Variants in NAGLU observed in about 807,000 individuals in gnomAD.
NAGLU encodes N-acetyl-alpha-glucosaminidase.
In NAGLU, 34 loss-of-function variants were observed where a neutral mutation model predicts 43.4. That is an observed-to-expected ratio of 0.78 (90% confidence interval 0.60 to 1.04). NAGLU has a LOEUF of 1.04. NAGLU is among the 50% of genes least tolerant of loss of function. The pLI is 0.00. For missense variants in NAGLU, 910 were observed against 993.7 expected, an observed-to-expected ratio of 0.92 and a Z score of 1.13; for synonymous variants, 425 against 437.6, an observed-to-expected ratio of 0.97 and a Z score of 0.36.
intron 5 of NAGLU, among the ~76,000 whole-genome samples, chr17:42,542,595 G>T (rs777314437): frequency 4.6e-5 from 7 of 152,236 alleles, no homozygotes; most frequent in Non-Finnish European, 1.0e-4. Flanking sequence ...ATGGGTTCAA[G>T]TGATTCTTGT....
intron 4 of NAGLU, among the ~76,000 whole-genome samples, chr17:42,539,986 C>T (rs554209622): frequency 6.6e-6 from 1 of 151,824 alleles, no homozygotes; most frequent in Non-Finnish European, 1.5e-5. Flanking sequence ...TGGTGGCGGG[C>T]TCCTGTAATC....
At chr17:42,539,152 G>C (rs969163584) in intron 4 of NAGLU, among the ~76,000 whole-genome samples, 2 of 152,194 alleles carry the variant, frequency 1.3e-5, no homozygotes, top group South Asian at 4.1e-4. Flanking sequence ...ACGTAGGCCT[G>C]GGTTTGATTT....
intron 2 of NAGLU, among the ~76,000 whole-genome samples, 167 bp from the exon 3 acceptor site, chr17:42,538,172 C>T (rs1279353057): frequency 6.6e-6 from 1 of 152,258 alleles, no homozygotes; most frequent in East Asian, 1.9e-4. Flanking sequence ...CTCACCTACT[C>T]ACAGGTCTCT....
rs2143086786 is a variant in NAGLU at position 42,538,425 on chromosome 17, C to T, written c.618C>T (p.Asn206=). 1.2e-6 allele frequency: 2 copies of T among 1,614,180 alleles called. No individual in the cohort carries two copies. Among genetic ancestry groups the T allele is most frequent in the Non-Finnish European group, 1.7e-6 (2 of 1,180,038 alleles). The stretch of plus-strand genomic sequence containing the variant: ...TCCTGGCCTGGGGGCGAATGGGCAA[C>T]CTGCACACCTGGGATGGCCCCCTGC... ...PAFLAWGRMG[N]LHTWDGPLPP... is the part of the protein sequence containing the mutation. Residue 206 remains asparagine (N), a synonymous_variant, in exon 3 of 6, where the codon AAC becomes AAT. Transcript: ENST00000225927.
chr17:42,544,211 C>T lies in NAGLU; in HGVS notation c.2205C>T (p.Tyr735=), dbSNP rs1310530729. 6.2e-7 allele frequency: 1 copy of T among 1,612,076 alleles called. No homozygotes were observed. Among genetic ancestry groups the T allele is most frequent in the Non-Finnish European group, 8.5e-7 (1 of 1,180,026 alleles). The part of the protein sequence containing the change: ...DLAKKIFLKY[Y]PRWVAGSW ...CCAAGAAGATCTTCCTCAAATATTA[C>T]CCCCGCTGGGTGGCCGGCTCTTGGT... Residue 735 remains tyrosine (Y), a synonymous_variant, in exon 6 of 6, where the codon TAC becomes TAT. Transcript: ENST00000225927.
At position 42,544,060 on chromosome 17, in the gene NAGLU, G is replaced by C; in HGVS notation, c.2054G>C (p.Ser685Thr). 1.2e-6 allele frequency: 2 copies of C among 1,613,778 alleles called. No homozygotes were observed. ...CTTTTCCTGGAGGCGCTGGTTGACA[G>C]TGTGGCCCAGGGCATCCCTTTCCAA... ...WRLFLEALVDSVAQGIPFQQH... is the reference protein window; with the variant it reads ...WRLFLEALVDTVAQGIPFQQH... The change falls in exon 6 of 6, where the codon AGT (serine) becomes ACT (threonine). Residue 685 changes from serine (S) to threonine (T), a missense_variant. Physicochemically the swap from Ser to Thr is moderately conservative, Grantham distance 58. Coordinates refer to ENST00000225927, the MANE Select transcript of NAGLU (RefSeq NM_000263.4).
intron 2 of NAGLU, 124 bp from the exon 3 acceptor site, chr17:42,538,214 CG>C: frequency 6.9e-7 from 1 of 1,441,152 alleles, no homozygotes; most frequent in Non-Finnish European, 9.8e-7. Context: ...TTGATGGCAG[CG>C]TTCGGATTTT....
intron 3 of NAGLU, 40 bp from the exon 4 acceptor site, chr17:42,538,630 G>A: frequency 2.5e-6 from 4 of 1,613,086 alleles, no homozygotes; most frequent in Non-Finnish European, 3.4e-6. Context: ...TCATAGGACA[G>A]CAGTGGCCAT....
intron 4 of NAGLU, 38 bp from the exon 5 acceptor site, chr17:42,540,912 G>C: frequency 6.2e-7 from 1 of 1,614,036 alleles, no homozygotes. Context: ...ACACTATGGC[G>C]GCTTCCATGA....
At position 42,543,771 on chromosome 17, in the gene NAGLU, G is replaced by C; in HGVS notation, c.1765G>C (p.Ala589Pro). ...AAGCGCCTACCTGAGCAAGGAGCTGGCCTCCCTGTTGAGGGCTGGAGGCGT... is the reference window on the plus strand; with the variant it reads ...AAGCGCCTACCTGAGCAAGGAGCTGCCCTCCCTGTTGAGGGCTGGAGGCGT... ...ARSAYLSKELASLLRAGGVLA... is the reference protein window; with the variant it reads ...ARSAYLSKELPSLLRAGGVLA... Residue 589 changes from alanine to proline, a missense_variant, in exon 6 of 6, where the codon GCC becomes CCC. Ala to Pro is a conservative substitution (Grantham distance 27). Coordinates refer to ENST00000225927, the MANE Select transcript of NAGLU (RefSeq NM_000263.4). 1 of 1,610,670 alleles carries C rather than the reference G, an allele frequency of 6.2e-7. No homozygotes were observed. The highest frequency in any genetic ancestry group is 8.5e-7 in the Non-Finnish European group (1 of 1,179,482).
chr17:42,538,767 C>G lies in NAGLU; in HGVS notation c.764+12C>G, dbSNP rs1002650158. On this transcript the variant is annotated intron_variant, in intron 4 of 5. Coordinates refer to ENST00000225927, the MANE Select transcript of NAGLU (RefSeq NM_000263.4). ...GAGGCTGTCACCAGGTGAGGTTCCGCTCACCCCCTCCACTTAGCTCAGAGA... is the reference window on the plus strand; with the variant it reads ...GAGGCTGTCACCAGGTGAGGTTCCGGTCACCCCCTCCACTTAGCTCAGAGA... 3.7e-6 allele frequency: 6 copies of G among 1,613,538 alleles called. No homozygotes were observed. The highest frequency in any genetic ancestry group is 5.1e-6 in the Non-Finnish European group (6 of 1,179,968).
rs1194087635 is a variant in NAGLU, at chr17:42,544,354, T to A, written c.*116T>A. On this transcript the variant is annotated 3_prime_UTR_variant, in exon 6 of 6. Coordinates refer to ENST00000225927, the MANE Select transcript of NAGLU (RefSeq NM_000263.4). ...CCTGGGAGGAGGCCCCACGGCCTGC[T>A]GGTGGGGTCTGACCTGGGGGGATTG... 6.8e-7 allele frequency: 1 copy of A among 1,478,226 alleles called. No individual in the cohort carries two copies. Among genetic ancestry groups the A allele is most frequent in the South Asian group, 1.2e-5 (1 of 85,592 alleles). 91.6% of individuals were successfully genotyped at this position (1,478,226 alleles called of 1,614,324 possible).
In NAGLU at chr17:42,538,850, A is replaced by C. The variant is rs2092914519; in HGVS notation, c.764+95A>C. 4 of 1,425,430 alleles carry C rather than the reference A, an allele frequency of 2.8e-6. No individual in the cohort carries two copies. In the South Asian group the frequency reaches 4.8e-5, roughly 17 times the overall value. 88.3% of individuals were successfully genotyped at this position (1,425,430 alleles called of 1,614,324 possible). On this transcript the variant is annotated intron_variant, in intron 4 of 5. Coordinates refer to ENST00000225927, the MANE Select transcript of NAGLU (RefSeq NM_000263.4). ...AAAACTTAAGCTCTGGGCCGGGCGC[A>C]GTGGCTCACGCCTGTAATCCCAGCA... is the stretch of plus-strand genomic sequence containing the variant.
chr17:42,542,208 G>GC (rs983056800), intron 5 of NAGLU, among the ~76,000 whole-genome samples: 26 of 151,770 alleles, frequency 1.7e-4, no homozygotes, highest in Non-Finnish European at 3.5e-4. Context: ...GATTACAGGC[G>GC]CCCCCCAACC....
chr17:42,543,271 C>T lies in NAGLU; in HGVS notation c.1265C>T (p.Ala422Val). 1.2e-6 allele frequency: 2 copies of T among 1,614,058 alleles called. No individual in the cohort carries two copies. Among genetic ancestry groups the T allele is most frequent in the Non-Finnish European group, 1.7e-6 (2 of 1,180,052 alleles). The change falls in exon 6 of 6, where the codon GCT becomes GTT. Residue 422 changes from alanine to valine, a missense_variant. Coordinates refer to ENST00000225927, the MANE Select transcript of NAGLU (RefSeq NM_000263.4). ...CATGGTCTTTTTGGAGCCCTAGAGG[C>T]TGTGAACGGAGGCCCAGAAGCTGCC... is the stretch of plus-strand genomic sequence containing the variant. ...GNHGLFGALE[A>V]VNGGPEAARL...
intron 4 of NAGLU, among the ~76,000 whole-genome samples, chr17:42,539,302 T>A (rs971969179): frequency 3.3e-5 from 5 of 152,252 alleles, no homozygotes; most frequent in African/African-American, 1.2e-4. Context: ...ATCTGTGACT[T>A]TGCACAGAGT....
rs1360051608 is a variant in NAGLU, at chr17:42,543,270, G to A, written c.1264G>A (p.Ala422Thr). The A allele has an allele frequency of 1.2e-6, 2 of 1,614,054 alleles. No individual in the cohort carries two copies. The highest frequency in any genetic ancestry group is 3.3e-5 in the Admixed American group (2 of 60,034). The change falls in exon 6 of 6, where the codon GCT becomes ACT. Residue 422 changes from alanine (A) to threonine (T), a missense_variant. Ala to Thr is a moderately conservative substitution (Grantham distance 58). Coordinates refer to ENST00000225927, the MANE Select transcript of NAGLU (RefSeq NM_000263.4). Reference sequence around the variant, plus strand: ...CCATGGTCTTTTTGGAGCCCTAGAGGCTGTGAACGGAGGCCCAGAAGCTGC... The same window carrying A: ...CCATGGTCTTTTTGGAGCCCTAGAGACTGTGAACGGAGGCCCAGAAGCTGC... Reference protein sequence around the residue: ...GNHGLFGALEAVNGGPEAARL... With the variant: ...GNHGLFGALETVNGGPEAARL...
Position 42,543,871 on chromosome 17 carries a change from T to C in NAGLU, c.1865T>C (p.Leu622Pro). 6.2e-7 allele frequency: 1 copy of C among 1,604,298 alleles called. No homozygotes were observed. The highest frequency in any genetic ancestry group is 8.5e-7 in the Non-Finnish European group (1 of 1,175,822). The change falls in exon 6 of 6, where the codon CTA (leucine) becomes CCA (proline). Residue 622 changes from leucine to proline, a missense_variant. Leu to Pro is a moderately conservative substitution (Grantham distance 98). Coordinates refer to ENST00000225927, the MANE Select transcript of NAGLU (RefSeq NM_000263.4). ...AGCCGCTTCTTGCTGGGCAGCTGGC[T>C]AGAGCAGGCCCGAGCAGCGGCAGTC... is the stretch of plus-strand genomic sequence containing the variant. ...SDSRFLLGSW[L>P]EQARAAAVSE...
rs1049258151 is a variant in NAGLU at position 42,541,588 on chromosome 17, G to A, written c.1021+382G>A. Among the ~76,000 whole-genome samples, 4 of 152,250 alleles carry A rather than the reference G, an allele frequency of 2.6e-5. No homozygotes were observed. In the East Asian group the frequency reaches 5.8e-4, roughly 22 times the overall value. Reference sequence around the variant, plus strand: ...AACAAGGATTTTGTTTCATCTCTGCGTGGTTGCTGAAGTAGGCACTGCAGG... The same window carrying A: ...AACAAGGATTTTGTTTCATCTCTGCATGGTTGCTGAAGTAGGCACTGCAGG... On this transcript the variant is annotated intron_variant, in intron 5 of 5. Coordinates refer to ENST00000225927, the MANE Select transcript of NAGLU (RefSeq NM_000263.4).
Sources: gnomAD v4.1 joint callset for allele counts (sites outside exome capture counted in the v4.1 genomes callset) on GRCh38, gnomAD v4.1.1 for gene constraint, MANE v1.5 for transcripts, NCBI Gene and HGNC (gene_info 2026-07-23, HGNC 2026-07-21) for gene names.